Variants in GPC5 observed in about 807,000 individuals in gnomAD.
GPC5 encodes the protein glypican-5.
Under a neutral mutation model 53.9 loss-of-function variants are expected in GPC5, and 47 were observed. That is an observed-to-expected ratio of 0.87 (90% CI 0.69 to 1.11). The LOEUF (loss-of-function observed/expected upper bound fraction) is 1.11, where lower values mean the gene tolerates loss of function less well. Among genes scored for constraint, GPC5 ranks in the 50% most tolerant of loss-of-function variants. The pLI, the probability that GPC5 is intolerant of heterozygous loss-of-function variation, is 0.00. For synonymous variants in GPC5, 286 were observed against 263.3 expected, an observed-to-expected ratio of 1.09 and a Z score of -0.84; for missense variants, 748 against 713.1, an observed-to-expected ratio of 1.05 and a Z score of -0.56.
intron 6 of GPC5, among the ~76,000 whole-genome samples, chr13:91,964,313 C>A (rs1460057550): frequency 6.6e-6 from 1 of 152,156 alleles, no homozygotes; most frequent in Non-Finnish European, 1.5e-5. Flanking sequence ...CTGGTGTGGG[C>A]TCCGTGGCCT....
rs1433470499 is a variant in GPC5 at position 92,258,649 on chromosome 13, A to G, written c.1561+113660A>G. On this transcript the variant is annotated intron_variant, in intron 7 of 7. Transcript: ENST00000377067. Reference sequence around the variant, plus strand: ...AATAGTCTAGGTTCAATCTTAAAAAAATGTCGTTAATGGTAATTGGTAAAG... The same window carrying G: ...AATAGTCTAGGTTCAATCTTAAAAAGATGTCGTTAATGGTAATTGGTAAAG... 2.0e-5 allele frequency among the ~76,000 whole-genome samples: 3 copies of G among 152,212 alleles called. No individual in the cohort carries two copies. The East Asian group carries it at 5.8e-4, about 29-fold the overall frequency.
At chr13:91,906,046 C>T (rs2039549688) in intron 5 of GPC5, among the ~76,000 whole-genome samples, 1 of 151,966 alleles carries the variant, frequency 6.6e-6, no homozygotes, top group African/African-American at 2.4e-5. Flanking sequence ...CCCCTGCCAA[C>T]GTCCCTGTTC....
At chr13:92,019,162 C>T (rs2040734697) in intron 6 of GPC5, among the ~76,000 whole-genome samples, 1 of 151,910 alleles carries the variant, frequency 6.6e-6, no homozygotes, top group Non-Finnish European at 1.5e-5. Context: ...GCCTTATACT[C>T]TCCAATTAAT....
At chr13:91,502,673 A>G (rs533764353) in intron 2 of GPC5, among the ~76,000 whole-genome samples, 1 of 152,332 alleles carries the variant, frequency 6.6e-6, no homozygotes, top group Admixed American at 6.5e-5. Context: ...TCTAAATGCT[A>G]GGACCACCCT....
chr13:92,759,911 T>A (rs993203959), intron 7 of GPC5, among the ~76,000 whole-genome samples: 27 of 152,116 alleles, frequency 1.8e-4, no homozygotes, highest in African/African-American at 5.8e-4. Context: ...CAGTTAAGAG[T>A]TTTTATCAAG....
At chr13:91,491,973 T>G (rs1426592053) in intron 2 of GPC5, among the ~76,000 whole-genome samples, 3 of 152,220 alleles carry the variant, frequency 2.0e-5, no homozygotes, top group Non-Finnish European at 4.4e-5. Context: ...ACATAGCTCA[T>G]TCATGCTTTC....
chr13:91,600,891 C>A (rs2033160866), intron 2 of GPC5, among the ~76,000 whole-genome samples: 1 of 152,074 alleles, frequency 6.6e-6, no homozygotes, highest in Admixed American at 6.6e-5. Flanking sequence ...CTCTTTCCCT[C>A]TATAATTAAT....
chr13:91,492,264 T>C (rs1261379221), intron 2 of GPC5, among the ~76,000 whole-genome samples: 3 of 152,130 alleles, frequency 2.0e-5, no homozygotes. Context: ...TCCAGAGAAA[T>C]AGAACAAACT....
intron 7 of GPC5, among the ~76,000 whole-genome samples, chr13:92,385,355 CATATATACATATATATACATATATACAT>C (rs2043785040): frequency 5.7e-5 from 5 of 88,364 alleles, no homozygotes; most frequent in African/African-American, 2.1e-4. Context: ...TACATATATA[CATATATACATATATATACATATATACAT>C]ATATATACAT....
chr13:92,289,477 T>C (rs527979837), intron 7 of GPC5, among the ~76,000 whole-genome samples: 1 of 152,184 alleles, frequency 6.6e-6, no homozygotes, highest in African/African-American at 2.4e-5. Flanking sequence ...TTTAATAACA[T>C]TTAATAACTT....
At chr13:92,127,793 T>C (rs1477766630) in intron 6 of GPC5, among the ~76,000 whole-genome samples, 1 of 152,240 alleles carries the variant, frequency 6.6e-6, no homozygotes, top group Non-Finnish European at 1.5e-5. Context: ...TAAGATTTTA[T>C]AATGATAATG....
chr13:91,941,107 T>G (rs901649712), intron 6 of GPC5, among the ~76,000 whole-genome samples: 2 of 152,128 alleles, frequency 1.3e-5, no homozygotes, highest in Non-Finnish European at 2.9e-5. Context: ...CATTTTCTTT[T>G]ATGATTTTTA....
intron 7 of GPC5, among the ~76,000 whole-genome samples, chr13:92,714,993 A>AT (rs1282236585): frequency 3.3e-5 from 5 of 152,170 alleles, no homozygotes; most frequent in African/African-American, 1.2e-4. Context: ...TGAACCTGGG[A>AT]GGCAGAAGTT....
At chr13:91,739,675 T>C (rs1369651157) in intron 4 of GPC5, among the ~76,000 whole-genome samples, 1 of 151,320 alleles carries the variant, frequency 6.6e-6, no homozygotes, top group East Asian at 1.9e-4. Flanking sequence ...TGTCTTCACA[T>C]TGCGGCTAAC....
intron 7 of GPC5, among the ~76,000 whole-genome samples, chr13:92,266,572 C>G (rs7981189): frequency 0.35 from 52,504 of 151,908 alleles, 9,735 homozygotes; most frequent in African/African-American, 0.48. Flanking sequence ...TTTGCTGTTA[C>G]GTACCTTTCA....
chr13:91,682,048 G>A (rs1035771367), intron 2 of GPC5, among the ~76,000 whole-genome samples: 14 of 152,126 alleles, frequency 9.2e-5, no homozygotes, highest in Middle Eastern at 6.8e-3. Flanking sequence ...ATATGGTTCC[G>A]AACTCAGAAT....
chr13:92,180,407 T>A (rs1403560824), intron 7 of GPC5, among the ~76,000 whole-genome samples: 1 of 152,230 alleles, frequency 6.6e-6, no homozygotes, highest in East Asian at 1.9e-4. Flanking sequence ...GGATTTTCTC[T>A]TTGTGAATGT....
At chr13:92,718,892 C>CAA (rs1205689311) in intron 7 of GPC5, among the ~76,000 whole-genome samples, 1 of 121,366 alleles carries the variant, frequency 8.2e-6, no homozygotes, top group Admixed American at 9.8e-5. Flanking sequence ...CTCCGTCCCC[C>CAA]CACAAAAAAA....
intron 7 of GPC5, among the ~76,000 whole-genome samples, chr13:92,359,932 T>C (rs2043552469): frequency 2.0e-5 from 3 of 151,722 alleles, no homozygotes; most frequent in Non-Finnish European, 4.4e-5. Context: ...ATAAGGTTGT[T>C]TGTTTTTTTT....
Sources: gnomAD v4.1 joint callset for allele counts (sites outside exome capture counted in the v4.1 genomes callset) on GRCh38, gnomAD v4.1.1 for gene constraint, MANE v1.5 for transcripts, NCBI Gene and HGNC (gene_info 2026-07-23, HGNC 2026-07-21) for gene names.